PTK2B: variants seen among roughly 807,000 people sequenced by gnomAD.
The protein encoded by PTK2B is protein tyrosine kinase 2 beta.
A neutral mutation model predicts 142.9 loss-of-function variants in PTK2B; 71 were observed. The ratio of observed to expected loss-of-function variants is 0.50; its 90% CI spans 0.41 to 0.61. The LOEUF (loss-of-function observed/expected upper bound fraction) is 0.61. PTK2B is among the 20% of genes least tolerant of loss of function. The probability of loss-of-function intolerance (pLI) is 0.00; values close to 1 mark genes in which losing one functional copy is unlikely to be tolerated. For missense variants in PTK2B, 1,105 were observed against 1,320.4 expected (o/e 0.84, Z 2.53); for synonymous variants, 519 against 503.4 (o/e 1.03, Z -0.42).
At chr8:27,357,152 T>C (rs1416321233) in intron 1 of PTK2B, among the ~76,000 whole-genome samples, 2 of 152,214 alleles carry the variant, frequency 1.3e-5, no homozygotes, top group Non-Finnish European at 2.9e-5. Flanking sequence ...GTTTTGATAT[T>C]ATTATTCTAC....
In PTK2B at chr8:27,445,914, A is replaced by G; in HGVS notation, c.2335A>G (p.Met779Val). Reference protein sequence around the residue: ...HRHNVFKRHSMREEDFIQPSS... With the variant: ...HRHNVFKRHSVREEDFIQPSS... ...GCACAATGTCTTCAAACGCCACAGC[A>G]TGCGGGTAAGAGGGCTCTGCATGCT... Residue 779 changes from methionine to valine, a missense_variant, in exon 24 of 31, where the codon ATG (methionine) becomes GTG (valine). Coordinates refer to ENST00000346049, the MANE Select transcript of PTK2B (RefSeq NM_173176.3). 1 of 1,613,640 alleles carries G rather than the reference A, an allele frequency of 6.2e-7. No individual in the cohort carries two copies. Among genetic ancestry groups the G allele is most frequent in the African/African-American group, 1.3e-5 (1 of 75,040 alleles).
intron 20 of PTK2B, among the ~76,000 whole-genome samples, chr8:27,439,839 G>A (rs930715544): frequency 1.1e-4 from 16 of 152,080 alleles, no homozygotes; most frequent in African/African-American, 2.4e-4. Context: ...TTCCTGTTAC[G>A]AAAACTGAGG....
intron 1 of PTK2B, among the ~76,000 whole-genome samples, chr8:27,333,165 TATAA>T (rs1323028593): frequency 1.3e-5 from 2 of 151,786 alleles, no homozygotes; most frequent in African/African-American, 4.8e-5. Flanking sequence ...CAAAGAAGAG[TATAA>T]ATAACAGCAG....
At chr8:27,440,582 C>G in intron 21 of PTK2B, 141 bp downstream of exon 21, 1 of 995,510 alleles carries the variant, frequency 1.0e-6, no homozygotes, top group Non-Finnish European at 1.5e-6. Flanking sequence ...GCCAGGTTCA[C>G]TGTCAGATAT....
intron 2 of PTK2B, among the ~76,000 whole-genome samples, chr8:27,408,690 G>A (rs945983979): frequency 1.3e-5 from 2 of 152,182 alleles, no homozygotes; most frequent in Non-Finnish European, 2.9e-5. Context: ...CAGATAGGTA[G>A]TAAAATTTAT....
At chr8:27,401,114 A>C (rs1226639539) in intron 2 of PTK2B, among the ~76,000 whole-genome samples, 1 of 150,106 alleles carries the variant, frequency 6.7e-6, no homozygotes, top group Non-Finnish European at 1.5e-5. Context: ...ACTCCAGCCC[A>C]GGTGACAGTG....
intron 1 of PTK2B, among the ~76,000 whole-genome samples, chr8:27,326,391 C>T (rs750598960): frequency 1.3e-5 from 2 of 152,126 alleles, no homozygotes; most frequent in Non-Finnish European, 2.9e-5. Flanking sequence ...GAGCGTGGAG[C>T]GGCATATGGG....
chr8:27,338,310 C>A (rs543447559), intron 1 of PTK2B, among the ~76,000 whole-genome samples: 105 of 152,010 alleles, frequency 6.9e-4, no homozygotes, highest in Non-Finnish European at 1.3e-3. Context: ...TAAGGTTATG[C>A]CCTCAAAAAA....
rs1415310551 is a variant in PTK2B at position 27,439,079 on chromosome 8, G to A, written c.1692G>A (p.Lys564=). The change falls in exon 19 of 31, where the codon AAG becomes AAA. Residue 564 remains lysine (K), a synonymous_variant. Coordinates refer to ENST00000346049, the MANE Select transcript of PTK2B (RefSeq NM_173176.3). ...NILVASPECV[K]LGDFGLSRYI... is the part of the protein sequence containing the mutation. ...TGGTGGCCTCCCCTGAGTGTGTGAAGCTGGGGGACTTTGGTCTTTCCCGGT... is the reference window on the plus strand; with the variant it reads ...TGGTGGCCTCCCCTGAGTGTGTGAAACTGGGGGACTTTGGTCTTTCCCGGT... 6.2e-7 allele frequency: 1 copy of A among 1,614,062 alleles called. No individual in the cohort carries two copies. Among genetic ancestry groups the A allele is most frequent in the Non-Finnish European group, 8.5e-7 (1 of 1,180,024 alleles).
At chr8:27,437,973 A>G in intron 18 of PTK2B, 93 bp downstream of exon 18, 8 of 1,129,412 alleles carry the variant, frequency 7.1e-6, no homozygotes, top group Non-Finnish European at 3.9e-6. Context: ...TGGGTGACAC[A>G]GAGCAGTGTT....
chr8:27,334,690 C>G (rs1803951094), intron 1 of PTK2B, among the ~76,000 whole-genome samples: 1 of 152,230 alleles, frequency 6.6e-6, no homozygotes, highest in Non-Finnish European at 1.5e-5. Flanking sequence ...TCCCTCCCTG[C>G]ACACTCATGC....
chr8:27,346,042 C>T (rs1418337014), intron 1 of PTK2B, among the ~76,000 whole-genome samples: 1 of 152,194 alleles, frequency 6.6e-6, no homozygotes, highest in Non-Finnish European at 1.5e-5. Context: ...GCTGTTTCTC[C>T]TACTCAGATG....
intron 1 of PTK2B, among the ~76,000 whole-genome samples, chr8:27,387,450 T>C (rs2131249628): frequency 6.6e-6 from 1 of 152,332 alleles, no homozygotes. Flanking sequence ...GTCAGATCCA[T>C]CTTTCACGGG....
Position 27,439,285 on chromosome 8 carries a change from A to G in PTK2B, c.1745-24A>G, listed in dbSNP as rs369786383. On this transcript the variant is annotated intron_variant, in intron 19 of 30. Coordinates refer to ENST00000346049, the MANE Select transcript of PTK2B (RefSeq NM_173176.3). Reference sequence around the variant, plus strand: ...TAATTCTGATCTTTCTTCCCTAAAAATCAACCTCTTTGCCCACCCAAAGCC... The same window carrying G: ...TAATTCTGATCTTTCTTCCCTAAAAGTCAACCTCTTTGCCCACCCAAAGCC... 72 of 1,595,140 alleles carry G rather than the reference A, an allele frequency of 4.5e-5. 1 individual carries two copies. Among genetic ancestry groups the G allele is most frequent in the South Asian group, 3.2e-4 (29 of 90,714 alleles).
intron 1 of PTK2B, among the ~76,000 whole-genome samples, chr8:27,393,568 G>A (rs531144348): frequency 1.1e-4 from 17 of 152,284 alleles, no homozygotes; most frequent in Admixed American, 3.3e-4. Context: ...GGTCAGGACC[G>A]ATATGGGAGT....
At chr8:27,422,528 T>C in intron 5 of PTK2B, 145 bp downstream of exon 5, 1 of 740,750 alleles carries the variant, frequency 1.3e-6, no homozygotes, top group Non-Finnish European at 2.1e-6. Context: ...CAGGTGAGGC[T>C]CTGAGGGGCT....
intron 2 of PTK2B, among the ~76,000 whole-genome samples, chr8:27,397,998 ATGT>A (rs1808168911): frequency 1.3e-5 from 2 of 152,232 alleles, no homozygotes; most frequent in African/African-American, 2.4e-5. Flanking sequence ...TGGGAAACAC[ATGT>A]TGTAGCCTTT....
chr8:27,451,036 T>C lies in PTK2B; in HGVS notation c.2488-7T>C, dbSNP rs201318382. On this transcript the variant is annotated splice_polypyrimidine_tract_variant and splice_region_variant and intron_variant, in intron 25 of 30. Coordinates refer to ENST00000346049, the MANE Select transcript of PTK2B (RefSeq NM_173176.3). ...TTAGTCCTTCGCTCTTGTTTCTTCCTCTGCAGGACCCCATGGTTTATATGA... is the reference window on the plus strand; with the variant it reads ...TTAGTCCTTCGCTCTTGTTTCTTCCCCTGCAGGACCCCATGGTTTATATGA... 6.2e-6 allele frequency: 10 copies of C among 1,612,702 alleles called. No homozygotes were observed. The East Asian group carries it at 2.0e-4, about 32-fold the overall frequency.
intron 1 of PTK2B, among the ~76,000 whole-genome samples, chr8:27,331,369 C>T (rs1803738251): frequency 6.6e-6 from 1 of 152,130 alleles, no homozygotes. Context: ...TTGGGTTTTG[C>T]TCTTCTGGGG....
Sources: gnomAD v4.1 joint callset for allele counts (sites outside exome capture counted in the v4.1 genomes callset) on GRCh38, gnomAD v4.1.1 for gene constraint, MANE v1.5 for transcripts, NCBI Gene and HGNC (gene_info 2026-07-23, HGNC 2026-07-21) for gene names.